The following GALNTL6 variants were observed in gnomAD, a reference collection of about 807,000 sequenced individuals.
The protein encoded by GALNTL6 is polypeptide N-acetylgalactosaminyltransferase-like 6.
Under a neutral mutation model 73.7 loss-of-function variants are expected in GALNTL6, and 46 were observed. The observed-to-expected ratio is 0.62, with a 90% confidence interval of 0.49 to 0.80. The LOEUF is 0.80. GALNTL6 is among the 30% of genes least tolerant of loss of function. The pLI, the probability that GALNTL6 is intolerant of heterozygous loss-of-function variation, is 0.00. For missense variants in GALNTL6, 604 were observed against 755.0 expected (o/e 0.80, Z 2.34); for synonymous variants, 259 against 263.7 (o/e 0.98, Z 0.17).
chr4:172,451,268 A>G (rs1732197626), intron 5 of GALNTL6, among the ~76,000 whole-genome samples: 2 of 152,250 alleles, frequency 1.3e-5, no homozygotes, highest in Admixed American at 6.5e-5. Context: ...AGGCAAATTT[A>G]CTAATCCCAT....
chr4:172,070,749 A>T (rs1560910064), intron 2 of GALNTL6, among the ~76,000 whole-genome samples: 1 of 110,382 alleles, frequency 9.1e-6, no homozygotes. Context: ...AGTAAAAAAG[A>T]TCTCTGTTAA....
At chr4:172,549,362 C>G (rs1211768424) in intron 5 of GALNTL6, among the ~76,000 whole-genome samples, 1 of 152,152 alleles carries the variant, frequency 6.6e-6, no homozygotes, top group East Asian at 1.9e-4. Context: ...TTTAAACTTC[C>G]TAACCCTAGT....
chr4:172,051,251 T>G (rs72984602), intron 2 of GALNTL6, among the ~76,000 whole-genome samples: 9,414 of 152,098 alleles, frequency 0.062, 437 homozygotes, highest in East Asian at 0.24. Context: ...CATGGTAACA[T>G]GTAGGGGTGG....
chr4:172,758,972 C>G (rs1169523670), intron 5 of GALNTL6, among the ~76,000 whole-genome samples: 1 of 152,208 alleles, frequency 6.6e-6, no homozygotes, highest in Non-Finnish European at 1.5e-5. Context: ...CACTCCCTTA[C>G]TAATAGATAT....
At chr4:172,172,005 G>A (rs1418152948) in intron 2 of GALNTL6, among the ~76,000 whole-genome samples, 1 of 152,142 alleles carries the variant, frequency 6.6e-6, no homozygotes, top group Non-Finnish European at 1.5e-5. Flanking sequence ...CAGTATGTCT[G>A]TAGGTCTAGT....
chr4:172,079,816 C>T (rs151058672), intron 2 of GALNTL6, among the ~76,000 whole-genome samples: 2,871 of 151,942 alleles, frequency 0.019, 54 homozygotes, highest in Non-Finnish European at 0.028. Context: ...TACCTACTGT[C>T]TATCATGAAC....
intron 5 of GALNTL6, among the ~76,000 whole-genome samples, chr4:172,729,094 C>T (rs576268153): frequency 4.2e-4 from 64 of 151,880 alleles, no homozygotes; most frequent in African/African-American, 1.3e-3. Flanking sequence ...TTGAGTTGTT[C>T]GAGCTCCTTA....
intron 5 of GALNTL6, among the ~76,000 whole-genome samples, chr4:172,773,866 A>T (rs1255952150): frequency 6.6e-6 from 1 of 152,182 alleles, no homozygotes; most frequent in Non-Finnish European, 1.5e-5. Context: ...TGTTCTCTAA[A>T]TTATCCCATC....
intron 5 of GALNTL6, among the ~76,000 whole-genome samples, chr4:172,559,917 A>G (rs989331706): frequency 6.6e-6 from 1 of 152,226 alleles, no homozygotes; most frequent in African/African-American, 2.4e-5. Flanking sequence ...GAAATATGTT[A>G]TGCTTTACAT....
intron 2 of GALNTL6, among the ~76,000 whole-genome samples, chr4:171,901,335 GC>G: frequency 6.6e-6 from 1 of 152,144 alleles, no homozygotes; most frequent in Non-Finnish European, 1.5e-5. Context: ...GGCATTAGAA[GC>G]CCCCACAAAG....
At chr4:172,156,386 T>G (rs1734262650) in intron 2 of GALNTL6, among the ~76,000 whole-genome samples, 1 of 151,736 alleles carries the variant, frequency 6.6e-6, no homozygotes, top group African/African-American at 2.4e-5. Flanking sequence ...AGGAAAAAAC[T>G]ATCTTTTTAA....
Position 172,111,677 on chromosome 4 carries a change from G to A in GALNTL6, c.139-117979G>A, listed in dbSNP as rs149856701. Among the ~76,000 whole-genome samples, 329 of 151,872 alleles carry A rather than the reference G, an allele frequency of 2.2e-3. 2 individuals are homozygous for A. The highest frequency in any genetic ancestry group is 7.0e-3 in the African/African-American group (290 of 41,454). Reference sequence around the variant, plus strand: ...TTACAACTACAGTGAGATACTTGGGGGTAATTTTCTATTTTAGGTTTTCTG... The same window carrying A: ...TTACAACTACAGTGAGATACTTGGGAGTAATTTTCTATTTTAGGTTTTCTG... On this transcript the variant is annotated intron_variant, in intron 2 of 12. Coordinates refer to ENST00000506823, the MANE Select transcript of GALNTL6 (RefSeq NM_001034845.3).
chr4:172,773,610 A>G (rs535515688), intron 5 of GALNTL6, among the ~76,000 whole-genome samples: 1 of 113,816 alleles, frequency 8.8e-6, no homozygotes, highest in East Asian at 4.0e-4. Context: ...CAAAAAAAAA[A>G]ACCCACTTCC....
chr4:172,079,072 T>A (rs953592081), intron 2 of GALNTL6, among the ~76,000 whole-genome samples: 3 of 152,094 alleles, frequency 2.0e-5, no homozygotes, highest in African/African-American at 7.2e-5. Flanking sequence ...CAAATATGTA[T>A]CTATATTTAT....
At chr4:172,774,868 G>C (rs1259043136) in intron 5 of GALNTL6, among the ~76,000 whole-genome samples, 1 of 151,950 alleles carries the variant, frequency 6.6e-6, no homozygotes, top group African/African-American at 2.4e-5. Flanking sequence ...GCTGAGGCAG[G>C]AGAATTGCTT....
At position 172,775,309 on chromosome 4, in the gene GALNTL6, T is replaced by G. The variant is rs375388797; in HGVS notation, c.554-34052T>G. Among the ~76,000 whole-genome samples the G allele has an allele frequency of 2.0e-5, 3 of 152,340 alleles. No homozygotes were observed. In the East Asian group the frequency reaches 5.8e-4, roughly 29 times the overall value. On this transcript the variant is annotated intron_variant, in intron 5 of 12. Transcript: ENST00000506823. ...TTTGTCTTGATGGAATCATGGCTTT[T>G]GGATAATTAAGTGATTATTTGAGTT...
chr4:172,372,255 A>C (rs1430430447), intron 5 of GALNTL6, among the ~76,000 whole-genome samples: 2 of 152,192 alleles, frequency 1.3e-5, no homozygotes, highest in African/African-American at 4.8e-5. Context: ...GTTGGCAGTC[A>C]GGCTTGATTG....
chr4:171,942,395 T>G (rs1038461053), intron 2 of GALNTL6, among the ~76,000 whole-genome samples: 3 of 152,104 alleles, frequency 2.0e-5, no homozygotes, highest in African/African-American at 7.2e-5. Flanking sequence ...TGTTTTGTAT[T>G]TTCTTATTTT....
At chr4:172,531,930 C>A (rs899685162) in intron 5 of GALNTL6, among the ~76,000 whole-genome samples, 4 of 152,178 alleles carry the variant, frequency 2.6e-5, no homozygotes, top group African/African-American at 4.8e-5. Flanking sequence ...GCTTCTCTTA[C>A]AAAACATAAA....
Sources: allele counts gnomAD v4.1 joint callset (sites outside exome capture counted in the v4.1 genomes callset), GRCh38; gene constraint gnomAD v4.1.1; transcripts MANE v1.5; gene names NCBI Gene and HGNC (gene_info 2026-07-23, HGNC 2026-07-21).